ITGAE: variants seen among roughly 807,000 people sequenced by gnomAD.
The protein encoded by ITGAE is integrin alpha-E.
A neutral mutation model predicts 136.5 loss-of-function variants in ITGAE; 99 were observed. That is an observed-to-expected ratio of 0.73 (90% CI 0.62 to 0.86). The LOEUF is 0.86. ITGAE is among the 40% of genes least tolerant of loss of function. The pLI is 0.00. For missense variants in ITGAE, 1,447 were observed against 1,515.3 expected (o/e 0.95, Z 0.75); for synonymous variants, 613 against 591.8 (o/e 1.04, Z -0.52).
In ITGAE at chr17:3,761,064, C is replaced by T. The variant is rs1567540762; in HGVS notation, c.547G>A (p.Glu183Lys). The T allele has an allele frequency of 6.2e-7, 1 of 1,609,924 alleles. No homozygotes were observed. The change falls in exon 6 of 31, where the codon GAG becomes AAG. Residue 183 changes from glutamate to lysine, a missense_variant. This residue lies in a region of ITGAE where 310 missense variants were observed against 416.1 expected (regional missense o/e 0.74). Transcript: ENST00000263087. ...TCCTCCTCCTTGTCTTCCTCCTCCTCCTTCTCCAGAGCCCGGCGCTGCCTG... is the reference window on the plus strand; with the variant it reads ...TCCTCCTCCTTGTCTTCCTCCTCCTTCTTCTCCAGAGCCCGGCGCTGCCTG... Reference protein sequence around the residue: ...TARQRRALEKEEEEDKEEEED... With the variant: ...TARQRRALEKKEEEDKEEEED...
intron 8 of ITGAE, 144 bp from the exon 9 acceptor site, chr17:3,758,003 T>A: frequency 1.1e-6 from 1 of 942,222 alleles, no homozygotes; most frequent in Non-Finnish European, 1.6e-6. Context: ...TGATGCCCCC[T>A]TAAGTCACGC....
Position 3,755,185 on chromosome 17 carries a change from C to T in ITGAE, c.1316G>A (p.Arg439Gln), listed in dbSNP as rs780520274. ...CGCTGTCTGGTTCAGGAAGCGGCCC[C>T]GGCGGCTGCGTGTGTCGTAGAGCAA... ...GALLYDTRSR[R>Q]GRFLNQTAAA... The change falls in exon 12 of 31, where the codon CGG becomes CAG. Residue 439 changes from arginine to glutamine, a missense_variant. Arg to Gln is a conservative substitution (Grantham distance 43, BLOSUM62 1). Around this residue, in one of 3 missense-constraint regions of ITGAE, gnomAD observed 1,031 missense variants for 1,011.4 expected, o/e 1.02. Transcript: ENST00000263087. 15 of 1,576,580 alleles carry T rather than the reference C, an allele frequency of 9.5e-6. No individual in the cohort carries two copies. Among genetic ancestry groups the T allele is most frequent in the South Asian group, 6.8e-5 (6 of 87,828 alleles).
intron 27 of ITGAE, 95 bp from the exon 28 acceptor site, chr17:3,723,478 GAATAGAGGGTGTGAGCA>G (rs935386002): frequency 1.1e-5 from 12 of 1,060,632 alleles, no homozygotes; most frequent in Non-Finnish European, 1.8e-5. Context: ...TAAGGTCCCA[GAATAGAGGGTGTGAGCA>G]ATTTCAGCGC....
Position 3,777,621 on chromosome 17 carries a change from C to T in ITGAE, c.74G>A (p.Arg25Gln), listed in dbSNP as rs781192943. ...LLAAFNVDVA[R>Q]PWLTPKGGAP... ...ACCTCCCTTGGGCGTGAGCCAGGGCCGGGCCACATCCACATTGAAAGCGGC... is the reference window on the plus strand; with the variant it reads ...ACCTCCCTTGGGCGTGAGCCAGGGCTGGGCCACATCCACATTGAAAGCGGC... The change falls in exon 2 of 31, where the codon CGG (arginine) becomes CAG (glutamine). Residue 25 changes from arginine to glutamine, a missense_variant. Arg to Gln is a conservative substitution (Grantham distance 43). Coordinates refer to ENST00000263087, the MANE Select transcript of ITGAE (RefSeq NM_002208.5). 61 of 1,613,758 alleles carry T rather than the reference C, an allele frequency of 3.8e-5. No individual in the cohort carries two copies. The South Asian group carries it at 5.7e-4, about 15-fold the overall frequency.
At chr17:3,796,121 C>CTGTGTGTGTGCATCCGTG (rs72002948) in intron 1 of ITGAE, among the ~76,000 whole-genome samples, 2 of 131,728 alleles carry the variant, frequency 1.5e-5, no homozygotes, top group East Asian at 2.3e-4. Flanking sequence ...GTGTGCATCC[C>CTGTGTGTGTGCATCCGTG]TGTGTGTGCA....
chr17:3,782,047 G>A (rs955839483), intron 1 of ITGAE, among the ~76,000 whole-genome samples: 2 of 151,812 alleles, frequency 1.3e-5, no homozygotes, highest in Non-Finnish European at 2.9e-5. Flanking sequence ...AGGCTGAGGC[G>A]GTGGATCACC....
chr17:3,769,974 C>G (rs117949278), intron 2 of ITGAE, among the ~76,000 whole-genome samples: 2 of 151,964 alleles, frequency 1.3e-5, no homozygotes, highest in Non-Finnish European at 2.9e-5. Context: ...ACTACAGGCA[C>G]GAGCCACCAT....
intron 1 of ITGAE, among the ~76,000 whole-genome samples, chr17:3,797,157 ATTTTTTTTTTTTTT>A (rs56101818): frequency 0.033 from 3,082 of 94,482 alleles, 65 homozygotes; most frequent in Middle Eastern, 0.041. Context: ...ATATATATAT[ATTTTTTTTTTTTTT>A]TTTTTTTTTT....
intron 23 of ITGAE, chr17:3,730,359 C>G (rs2051311940): frequency 6.6e-6 from 1 of 151,616 alleles, no homozygotes; most frequent in Non-Finnish European, 1.5e-5. Context: ...GAGGCTGAGG[C>G]AGAGAACTGC....
At position 3,761,017 on chromosome 17, in the gene ITGAE, T is replaced by TTCC. The variant is rs746228000; in HGVS notation, c.591_593dup (p.Glu198dup). The TTCC allele has an allele frequency of 3.1e-6, 5 of 1,600,460 alleles. No homozygotes were observed. The highest frequency in any genetic ancestry group is 1.7e-5 in the Admixed American group (1 of 59,860). ...CCCAGATCTGCCTCTTCTCACCAGC[T>TTCC]TCCTCCTCCTCCTCGTCTTCCTCCT... On this transcript the variant is annotated inframe_insertion, in exon 6 of 31. Coordinates refer to ENST00000263087, the MANE Select transcript of ITGAE (RefSeq NM_002208.5).
intron 1 of ITGAE, 85 bp downstream of exon 1, chr17:3,801,026 C>CA: frequency 6.8e-7 from 1 of 1,474,628 alleles, no homozygotes. Flanking sequence ...CCATCAGAGA[C>CA]AGACAGTCAA....
rs760392844 is a variant in ITGAE, at chr17:3,723,758, C to T, written c.3085-14G>A. On this transcript the variant is annotated splice_polypyrimidine_tract_variant and intron_variant, in intron 26 of 30. Transcript: ENST00000263087. ...CACCGTGGAGGCCTGAAACGAGAGCCATGACCGCGACGCGCTGAACAAACC... is the reference window on the plus strand; with the variant it reads ...CACCGTGGAGGCCTGAAACGAGAGCTATGACCGCGACGCGCTGAACAAACC... 1 of 1,606,358 alleles carries T rather than the reference C, an allele frequency of 6.2e-7. No individual in the cohort carries two copies. The highest frequency in any genetic ancestry group is 2.2e-5 in the East Asian group (1 of 44,682).
At chr17:3,746,180 T>C (rs1304517275) in intron 17 of ITGAE, among the ~76,000 whole-genome samples, 1 of 152,146 alleles carries the variant, frequency 6.6e-6, no homozygotes, top group Non-Finnish European at 1.5e-5. Context: ...GTCAGCCTTC[T>C]TTAGGGAAGG....
intron 2 of ITGAE, among the ~76,000 whole-genome samples, chr17:3,771,539 T>C (rs537830195): frequency 0.1 from 15,302 of 147,090 alleles, 931 homozygotes; most frequent in East Asian, 0.17. Context: ...TTTCTCTTTT[T>C]TTTTTTTTTT....
At chr17:3,782,908 AAC>A (rs1479994332) in intron 1 of ITGAE, among the ~76,000 whole-genome samples, 5 of 152,198 alleles carry the variant, frequency 3.3e-5, no homozygotes, top group African/African-American at 1.2e-4. Flanking sequence ...CTTACTATGT[AAC>A]AGTTTCTAGT....
At chr17:3,784,213 T>C (rs2052731461) in intron 1 of ITGAE, 6 of 245,072 alleles carry the variant, frequency 2.4e-5, no homozygotes, top group South Asian at 1.3e-4. Flanking sequence ...TGAGCCGAGA[T>C]TGCGCCACTG....
rs937570194 is a variant in ITGAE at position 3,777,578 on chromosome 17, G to T, written c.117C>A (p.Ser39Arg). The T allele has an allele frequency of 1.2e-6, 2 of 1,613,912 alleles. No homozygotes were observed. Among genetic ancestry groups the T allele is most frequent in the Non-Finnish European group, 1.7e-6 (2 of 1,179,884 alleles). ...TPKGGAPFVL[S>R]SLLHQDPSTN... ...TGCTGGGGTCTTGGTGCAGAAGGGA[G>T]CTGAGCACGAAAGGGGCACCTCCCT... The change falls in exon 2 of 31, where the codon AGC becomes AGA. Residue 39 changes from serine (S) to arginine (R), a missense_variant. Physicochemically the swap from Ser to Arg is moderately radical, Grantham distance 110. Around this residue, in one of 3 missense-constraint regions of ITGAE, gnomAD observed 106 missense variants for 87.8 expected, o/e 1.21. Transcript: ENST00000263087.
At chr17:3,742,777 T>C (rs1329714519) in intron 19 of ITGAE, among the ~76,000 whole-genome samples, 2 of 152,164 alleles carry the variant, frequency 1.3e-5, no homozygotes, top group African/African-American at 4.8e-5. Flanking sequence ...TCAGCCTCCC[T>C]AGTAGCTGGG....
chr17:3,776,350 G>T (rs139780143), intron 2 of ITGAE, among the ~76,000 whole-genome samples: 19 of 151,766 alleles, frequency 1.3e-4, no homozygotes, highest in African/African-American at 4.1e-4. Flanking sequence ...GAGCCACCGC[G>T]CCCGGCAGAA....
Sources: allele counts gnomAD v4.1 joint callset (sites outside exome capture counted in the v4.1 genomes callset), GRCh38; gene constraint gnomAD v4.1.1; regional missense constraint gnomAD v4.1.1; transcripts MANE v1.5; gene names NCBI Gene and HGNC (gene_info 2026-07-23, HGNC 2026-07-21).